Variants in FRMD3 observed in about 807,000 individuals in gnomAD.
FRMD3 encodes FERM domain-containing protein 3.
FRMD3 carries 33 observed loss-of-function variants against 70.2 expected under a neutral mutation model. The observed-to-expected ratio is 0.47, with a 90% CI of 0.36 to 0.63. The LOEUF is 0.63. Among genes scored for constraint, FRMD3 ranks in the 20% least tolerant of loss-of-function variants. FRMD3 has a pLI of 0.00. For synonymous variants in FRMD3, 279 were observed against 255.9 expected, an observed-to-expected ratio of 1.09 and a Z score of -0.86; for missense variants, 632 against 711.4, an observed-to-expected ratio of 0.89 and a Z score of 1.27.
At chr9:83,349,536 G>A (rs562922791) in intron 4 of FRMD3, 143 bp downstream of exon 4, 2 of 579,308 alleles carry the variant, frequency 3.5e-6, no homozygotes, top group East Asian at 5.7e-5. Context: ...TGTAAGAGAA[G>A]CATTCCAAGC....
chr9:83,412,637 G>A (rs1010215206), intron 1 of FRMD3, among the ~76,000 whole-genome samples: 3 of 152,220 alleles, frequency 2.0e-5, no homozygotes, highest in African/African-American at 7.2e-5. Context: ...CAACCAACCA[G>A]AGGAGTAGCC....
At chr9:83,344,859 A>G (rs980367183) in intron 4 of FRMD3, among the ~76,000 whole-genome samples, 4 of 93,584 alleles carry the variant, frequency 4.3e-5, no homozygotes, top group Admixed American at 2.0e-4. Flanking sequence ...GTGTGTGTGT[A>G]GCCTATTGGT....
At chr9:83,501,082 G>A (rs1162530158) in intron 1 of FRMD3, among the ~76,000 whole-genome samples, 1 of 152,148 alleles carries the variant, frequency 6.6e-6, no homozygotes, top group East Asian at 1.9e-4. Context: ...ATAAACAATT[G>A]TCTTCTGTAA....
chr9:83,280,204 A>G (rs1342007060), intron 13 of FRMD3, among the ~76,000 whole-genome samples: 2 of 152,220 alleles, frequency 1.3e-5, no homozygotes, highest in Non-Finnish European at 2.9e-5. Context: ...AGCACGTGCC[A>G]GATAAGAAGT....
intron 6 of FRMD3, among the ~76,000 whole-genome samples, chr9:83,317,166 A>G (rs1835615200): frequency 6.6e-6 from 1 of 150,568 alleles, no homozygotes; most frequent in Admixed American, 6.7e-5. Context: ...TATTGAATTC[A>G]CATATTATTG....
chr9:83,414,174 G>T (rs533890931), intron 1 of FRMD3, among the ~76,000 whole-genome samples: 1 of 152,150 alleles, frequency 6.6e-6, no homozygotes, highest in Admixed American at 6.5e-5. Context: ...TGGGCACAAG[G>T]TTTATTTTCC....
intron 1 of FRMD3, among the ~76,000 whole-genome samples, chr9:83,423,757 C>A (rs1467754278): frequency 6.6e-6 from 1 of 151,894 alleles, no homozygotes; most frequent in African/African-American, 2.4e-5. Flanking sequence ...TCACCATGCC[C>A]AACTAATTTT....
intron 1 of FRMD3, among the ~76,000 whole-genome samples, chr9:83,446,151 A>T (rs1827453312): frequency 6.6e-6 from 1 of 151,916 alleles, no homozygotes; most frequent in South Asian, 2.1e-4. Flanking sequence ...TCTGAGCCGT[A>T]TCCATATCGT....
chr9:83,363,260 T>A (rs948333182), intron 3 of FRMD3, among the ~76,000 whole-genome samples: 1 of 152,166 alleles, frequency 6.6e-6, no homozygotes, highest in Non-Finnish European at 1.5e-5. Context: ...CATGAAAAAA[T>A]TCTATTTTTA....
chr9:83,280,371 C>T (rs961768744), intron 13 of FRMD3, among the ~76,000 whole-genome samples: 1 of 152,168 alleles, frequency 6.6e-6, no homozygotes, highest in Non-Finnish European at 1.5e-5. Context: ...TTAGGGGTCA[C>T]CATACGATGC....
intron 10 of FRMD3, among the ~76,000 whole-genome samples, chr9:83,308,533 A>G (rs1181582782): frequency 1.6e-4 from 24 of 152,178 alleles, no homozygotes; most frequent in Admixed American, 1.5e-3. Flanking sequence ...CACCTGGATG[A>G]GGTCCAGGGG....
At position 83,512,316 on chromosome 9, in the gene FRMD3, C is replaced by G. The variant is rs7043681; in HGVS notation, c.147+25769G>C. ...CTAGACACTGGGGTGCAGGAACATC[C>G]CTGCCTTCATGGAGCTGCCAGTCTA... On this transcript the variant is annotated intron_variant, in intron 1 of 13. Coordinates refer to ENST00000304195, the MANE Select transcript of FRMD3 (RefSeq NM_174938.6). Among the ~76,000 whole-genome samples the G allele has an allele frequency of 1.3e-3, 193 of 152,198 alleles. 2 individuals are homozygous for G. Among genetic ancestry groups the G allele is most frequent in the African/African-American group, 4.4e-3 (184 of 41,502 alleles).
chr9:83,484,061 G>A (rs1177216805), intron 1 of FRMD3, among the ~76,000 whole-genome samples: 1 of 152,188 alleles, frequency 6.6e-6, no homozygotes, highest in Non-Finnish European at 1.5e-5. Flanking sequence ...AAAAATTTCA[G>A]AGCTTAAGGA....
intron 1 of FRMD3, among the ~76,000 whole-genome samples, chr9:83,407,878 TTC>T (rs147066768): frequency 0.013 from 1,195 of 88,720 alleles, 21 homozygotes; most frequent in African/African-American, 0.034. Flanking sequence ...TCTCTCATCT[TTC>T]TCTCTCTCTC....
Position 83,245,666 on chromosome 9 carries a change from TATA to T in FRMD3, c.*2249_*2251del. ...TAGTTCCATAATTTAAAAAATATTATATAATATTATTTTGAAAGACTGAGGGCC... is the reference window on the plus strand; with the variant it reads ...TAGTTCCATAATTTAAAAAATATTATATATTATTTTGAAAGACTGAGGGCC... On this transcript the variant is annotated 3_prime_UTR_variant, in exon 14 of 14. Coordinates refer to ENST00000304195, the MANE Select transcript of FRMD3 (RefSeq NM_174938.6). 2 of 879,396 alleles carry T rather than the reference TATA, an allele frequency of 2.3e-6. No homozygotes were observed. The highest frequency in any genetic ancestry group is 2.7e-6 in the Non-Finnish European group (2 of 733,466). 54.5% of individuals were successfully genotyped at this position (879,396 alleles called of 1,614,324 possible).
intron 13 of FRMD3, among the ~76,000 whole-genome samples, chr9:83,256,121 T>C (rs2118620266): frequency 6.6e-6 from 1 of 152,256 alleles, no homozygotes; most frequent in South Asian, 2.1e-4. Context: ...CTTCAAACTA[T>C]ACTACAAGGC....
intron 1 of FRMD3, among the ~76,000 whole-genome samples, chr9:83,530,386 A>C (rs1381970368): frequency 1.3e-5 from 2 of 152,254 alleles, no homozygotes; most frequent in Non-Finnish European, 2.9e-5. Context: ...AGCCAGACAC[A>C]AAAGTTCACA....
intron 1 of FRMD3, among the ~76,000 whole-genome samples, chr9:83,404,370 C>A (rs1319458517): frequency 6.6e-6 from 1 of 152,126 alleles, no homozygotes; most frequent in African/African-American, 2.4e-5. Flanking sequence ...GCATCCTCTG[C>A]CTTTTTTTTA....
At position 83,507,691 on chromosome 9, in the gene FRMD3, CATATATATATATATAT is replaced by C. The variant is rs34251863; in HGVS notation, c.147+30378_147+30393del. ...TCTCAAACAAAAAAAAATATACATA[CATATATATATATATAT>C]ATATATATATATATATATATATATA... On this transcript the variant is annotated intron_variant, in intron 1 of 13. Transcript: ENST00000304195. 1.2e-3 allele frequency among the ~76,000 whole-genome samples: 60 copies of C among 49,242 alleles called. 1 individual carries two copies. The highest frequency in any genetic ancestry group is 4.5e-3 in the East Asian group (7 of 1,562). 32.3% of individuals were successfully genotyped at this position (49,242 alleles called of 152,430 possible).
Sources: allele counts gnomAD v4.1 joint callset (sites outside exome capture counted in the v4.1 genomes callset), GRCh38; gene constraint gnomAD v4.1.1; transcripts MANE v1.5; gene names NCBI Gene and HGNC (gene_info 2026-07-23, HGNC 2026-07-21).